Variants in KLF8 observed in about 807,000 individuals in gnomAD.
The protein encoded by KLF8 is KLF transcription factor 8.
KLF8 carries 10 observed loss-of-function variants against 18.2 expected under a neutral mutation model. That is an observed-to-expected ratio of 0.55 (90% CI 0.34 to 0.93). The LOEUF (loss-of-function observed/expected upper bound fraction) is 0.93, where lower values mean the gene tolerates loss of function less well. KLF8 is among the 40% of genes least tolerant of loss of function. KLF8 has a pLI of 0.02. For missense variants in KLF8, 264 were observed against 277.9 expected (o/e 0.95, Z 0.36); for synonymous variants, 109 against 97.3 (o/e 1.12, Z -0.71).
chrX:56,233,882 G>A (rs1041763428), intron 1 of KLF8, among the ~76,000 whole-genome samples: 1 of 111,631 alleles, frequency 9.0e-6, no homozygotes, highest in African/African-American at 3.3e-5. Context: ...GGGCGTGCCA[G>A]CTCTTTAAGG....
the KLF8 span, among the ~76,000 whole-genome samples, chrX:56,051,258 G>C: frequency 2.7e-5 from 3 of 110,671 alleles, no homozygotes; most frequent in African/African-American, 9.9e-5. Context: ...GGAGCATTTA[G>C]TCCATTTACA....
chrX:56,283,462 C>T (rs1024588973), intron 5 of KLF8, among the ~76,000 whole-genome samples: 52 of 111,819 alleles, frequency 4.7e-4, no homozygotes, highest in Admixed American at 9.5e-5. Context: ...AGCTCCGCTT[C>T]CCGGGTTCAC....
At chrX:55,913,785 G>T in the KLF8 span, among the ~76,000 whole-genome samples, 2 of 112,005 alleles carry the variant, frequency 1.8e-5, no homozygotes, top group Non-Finnish European at 3.8e-5. Context: ...TATTACCAGA[G>T]GCAAGTAATG....
chrX:56,135,669 G>T, the KLF8 span, among the ~76,000 whole-genome samples: 1 of 110,469 alleles, frequency 9.1e-6, no homozygotes, highest in South Asian at 3.8e-4. Flanking sequence ...CCTGCACATT[G>T]TGCACATGTA....
the KLF8 span, among the ~76,000 whole-genome samples, chrX:56,115,658 T>C: frequency 9.0e-6 from 1 of 111,593 alleles, no homozygotes; most frequent in Admixed American, 9.5e-5. Context: ...GTGCACCAGA[T>C]ATACCTTTAG....
chrX:56,040,800 C>CTTTT, the KLF8 span, among the ~76,000 whole-genome samples: 34 of 6,036 alleles, frequency 5.6e-3, 8 homozygotes, highest in East Asian at 0.029. Context: ...ATGATACCAG[C>CTTTT]TTTTTTTTTT....
chrX:56,137,497 T>C, the KLF8 span, among the ~76,000 whole-genome samples: 1 of 105,151 alleles, frequency 9.5e-6, no homozygotes, highest in Non-Finnish European at 1.9e-5. Flanking sequence ...CAGTAAACTA[T>C]CGCAAGAACA....
chrX:56,044,863 A>G, the KLF8 span, among the ~76,000 whole-genome samples: 1 of 112,396 alleles, frequency 8.9e-6, no homozygotes, highest in Admixed American at 9.4e-5. Flanking sequence ...CCCCATTTCT[A>G]AAGTTATGTA....
At chrX:56,034,679 G>GA in the KLF8 span, among the ~76,000 whole-genome samples, 5 of 102,186 alleles carry the variant, frequency 4.9e-5, no homozygotes, top group African/African-American at 1.8e-4. Context: ...CTGGCTATTT[G>GA]AAAAAATAAA....
the KLF8 span, among the ~76,000 whole-genome samples, chrX:56,084,252 A>T: frequency 9.0e-6 from 1 of 110,606 alleles, no homozygotes; most frequent in Non-Finnish European, 1.9e-5. Flanking sequence ...GCGTGGTGGC[A>T]CATGCCTGTG....
the KLF8 span, among the ~76,000 whole-genome samples, chrX:56,215,398 G>A: frequency 2.2e-4 from 24 of 111,401 alleles, no homozygotes; most frequent in Non-Finnish European, 1.7e-4. Context: ...TTTTGGAAGA[G>A]AGGCCCAAGT....
the KLF8 span, among the ~76,000 whole-genome samples, chrX:56,212,163 T>G: frequency 9.0e-6 from 1 of 111,536 alleles, no homozygotes; most frequent in Non-Finnish European, 1.9e-5. Context: ...AGTCCTATCT[T>G]GCTGTGGCTA....
chrX:56,080,795 G>A, the KLF8 span, among the ~76,000 whole-genome samples: 1 of 111,483 alleles, frequency 9.0e-6, no homozygotes, highest in African/African-American at 3.3e-5. Context: ...CCAGTCAGAC[G>A]TAGATTTGGT....
At chrX:56,250,140 C>T (rs2066684352) in intron 1 of KLF8, 91 bp from the exon 2 acceptor site, 1 of 615,225 alleles carries the variant, frequency 1.6e-6, no homozygotes, top group Non-Finnish European at 2.7e-6. Flanking sequence ...AGATAAAGGT[C>T]ATAGAACACA....
At chrX:56,244,061 A>T (rs1167935685) in intron 1 of KLF8, among the ~76,000 whole-genome samples, 1 of 111,897 alleles carries the variant, frequency 8.9e-6, no homozygotes, top group Non-Finnish European at 1.9e-5. Flanking sequence ...ACTGGTACCC[A>T]GGTAATTTCA....
chrX:55,990,932 G>C, the KLF8 span, among the ~76,000 whole-genome samples: 1 of 112,420 alleles, frequency 8.9e-6, no homozygotes, highest in Non-Finnish European at 1.9e-5. Flanking sequence ...CTCCCAATTA[G>C]GCTACTTGTG....
the KLF8 span, among the ~76,000 whole-genome samples, chrX:56,029,090 C>A: frequency 9.0e-6 from 1 of 111,017 alleles, no homozygotes; most frequent in Non-Finnish European, 1.9e-5. Context: ...ATTGGCTGGG[C>A]CCCAGGCTTA....
chrX:56,180,970 T>A, the KLF8 span, among the ~76,000 whole-genome samples: 5 of 111,812 alleles, frequency 4.5e-5, no homozygotes, highest in Non-Finnish European at 7.5e-5. Flanking sequence ...TGTATGTGTC[T>A]GTTAGGTCTG....
the KLF8 span, among the ~76,000 whole-genome samples, chrX:56,225,821 G>C: frequency 8.9e-6 from 1 of 112,078 alleles, no homozygotes; most frequent in Admixed American, 9.4e-5. Flanking sequence ...TTCACATCCA[G>C]GCATTTGCAG....
Sources: gnomAD v4.1 joint callset for allele counts (sites outside exome capture counted in the v4.1 genomes callset) on GRCh38, gnomAD v4.1.1 for gene constraint, MANE v1.5 for transcripts, NCBI Gene and HGNC (gene_info 2026-07-23, HGNC 2026-07-21) for gene names.